Variants in COL4A3 observed in about 807,000 individuals in gnomAD.
The protein encoded by COL4A3 is collagen alpha-3(IV) chain.
In COL4A3, 135 loss-of-function variants were observed where a neutral mutation model predicts 217.4. The observed-to-expected ratio is 0.62, with a 90% confidence interval of 0.54 to 0.72. The LOEUF (loss-of-function observed/expected upper bound fraction) is 0.72, where lower values mean the gene tolerates loss of function less well. Among genes scored for constraint, COL4A3 ranks in the 30% least tolerant of loss-of-function variants. The pLI is 0.00. For synonymous variants in COL4A3, 690 were observed against 736.3 expected (o/e 0.94, Z 1.02); for missense variants, 1,868 against 2,119.9 (o/e 0.88, Z 2.33).
Position 227,240,188 on chromosome 2 carries a change from G to T in COL4A3, c.190G>T (p.Gly64Ter). The T allele has an allele frequency of 6.2e-7, 1 of 1,612,040 alleles. No individual in the cohort carries two copies. The change falls in exon 3 of 52, where the codon GGA becomes TGA. Residue 64 changes from glycine (G) to a stop codon, truncating the protein, a stop_gained. Transcript: ENST00000396578. LOFTEE classifies it high-confidence loss of function. ...PGPPGSPGQK[G>*]FTGPEGLPGP... is the part of the protein sequence containing the mutation. ...ACCCCCCGGTTCTCCTGGCCAGAAA[G>T]GATTCACAGGTCCTGAAGGCTTGCC...
chr2:227,305,171 C>T, intron 47 of COL4A3, 88 bp downstream of exon 47: 1 of 1,112,066 alleles, frequency 9.0e-7, no homozygotes, highest in Non-Finnish European at 1.3e-6. Context: ...TATGAGTTAT[C>T]TAGGCCTTTG....
At chr2:227,268,116 C>A (rs1189806516) in intron 23 of COL4A3, among the ~76,000 whole-genome samples, 2 of 152,238 alleles carry the variant, frequency 1.3e-5, no homozygotes, top group African/African-American at 4.8e-5. Flanking sequence ...GGTCTTCAGA[C>A]AATGTCATCA....
rs1443093103 is a variant in COL4A3 at position 227,256,055 on chromosome 2, C to T, written c.918C>T (p.Gly306=). ...AACCCGGAAAAGATGGTGTTCCTGG[C>T]TTCCCTGGAAGTGAGGTATAGAGTT... The part of the protein sequence containing the change: ...QGKPGKDGVP[G]FPGSEGVKGN... Residue 306 remains glycine (G), a synonymous_variant, in exon 16 of 52, where the codon GGC becomes GGT. Coordinates refer to ENST00000396578, the MANE Select transcript of COL4A3 (RefSeq NM_000091.5). 3 of 1,613,884 alleles carry T rather than the reference C, an allele frequency of 1.9e-6. No homozygotes were observed. The highest frequency in any genetic ancestry group is 2.5e-6 in the Non-Finnish European group (3 of 1,179,820).
In COL4A3 at chr2:227,286,629, C is replaced by T. The variant is rs146473219; in HGVS notation, c.2881+2284C>T. Among the ~76,000 whole-genome samples, 602 of 152,318 alleles carry T rather than the reference C, an allele frequency of 4.0e-3. 3 individuals are homozygous for T. Among genetic ancestry groups the T allele is most frequent in the African/African-American group, 0.013 (551 of 41,572 alleles). On this transcript the variant is annotated intron_variant, in intron 34 of 51. Coordinates refer to ENST00000396578, the MANE Select transcript of COL4A3 (RefSeq NM_000091.5). ...TAGGAAATGGCAGAGATGGGCCTCACTCTTGGCCTCCTCACTGTGCTGCCA... is the reference window on the plus strand; with the variant it reads ...TAGGAAATGGCAGAGATGGGCCTCATTCTTGGCCTCCTCACTGTGCTGCCA...
At chr2:227,295,414 T>A in intron 41 of COL4A3, 98 bp downstream of exon 41, 1 of 1,051,686 alleles carries the variant, frequency 9.5e-7, no homozygotes, top group Non-Finnish European at 1.5e-6. Flanking sequence ...CCTAGTGAAT[T>A]AAAGATGTTC....
At chr2:227,294,380 T>A in intron 38 of COL4A3, 110 bp from the exon 39 acceptor site, 1 of 830,668 alleles carries the variant, frequency 1.2e-6, no homozygotes, top group Non-Finnish European at 2.1e-6. Flanking sequence ...AGAGCTTCCT[T>A]AAGGCCAGCG....
chr2:227,251,570 T>C (rs2069743530), intron 11 of COL4A3, among the ~76,000 whole-genome samples, 199 bp downstream of exon 11: 1 of 152,204 alleles, frequency 6.6e-6, no homozygotes, highest in African/African-American at 2.4e-5. Flanking sequence ...ATACAAAGAA[T>C]CTTAATTCAA....
At chr2:227,290,933 C>T in intron 37 of COL4A3, 47 bp downstream of exon 37, 1 of 1,579,934 alleles carries the variant, frequency 6.3e-7, no homozygotes. Flanking sequence ...GGAGTGAGTG[C>T]CTTGAAAAAT....
intron 1 of COL4A3, among the ~76,000 whole-genome samples, chr2:227,181,153 T>G (rs912277557): frequency 3.3e-5 from 5 of 152,190 alleles, no homozygotes; most frequent in Non-Finnish European, 5.9e-5. Context: ...GGTATAGAGA[T>G]ATTTCTGGGT....
chr2:227,274,772 T>G (rs539269565), intron 26 of COL4A3, among the ~76,000 whole-genome samples: 1 of 152,256 alleles, frequency 6.6e-6, no homozygotes, highest in South Asian at 2.1e-4. Flanking sequence ...GTGCTAGGAT[T>G]ACAGGCATGA....
chr2:227,196,714 G>C (rs1439083331), intron 1 of COL4A3, among the ~76,000 whole-genome samples: 1 of 152,164 alleles, frequency 6.6e-6, no homozygotes, highest in Non-Finnish European at 1.5e-5. Flanking sequence ...CAGGTTTATA[G>C]CCTAGGAATC....
rs75171342 is a variant in COL4A3, at chr2:227,259,775, G to A, written c.1030-18G>A. 1.2e-3 allele frequency: 1,908 copies of A among 1,558,444 alleles called. 29 individuals are homozygous for A. The East Asian group carries it at 0.034, about 28-fold the overall frequency. On this transcript the variant is annotated intron_variant, in intron 18 of 51. Transcript: ENST00000396578. ...AAATAGCTATCCTTTCTCTGTATTT[G>A]TTTCTTTCTCCTCTAAGACAGAATA...
chr2:227,172,030 T>C (rs2065495096), intron 1 of COL4A3, among the ~76,000 whole-genome samples: 1 of 152,202 alleles, frequency 6.6e-6, no homozygotes, highest in Non-Finnish European at 1.5e-5. Context: ...ACTGGAGTTG[T>C]ATACGTGTTC....
chr2:227,251,166 T>C lies in COL4A3; in HGVS notation c.573T>C (p.Pro191=), dbSNP rs375503109. 233 of 1,613,932 alleles carry C rather than the reference T, an allele frequency of 1.4e-4. 1 individual carries two copies. The African/African-American group carries it at 2.7e-3, about 19-fold the overall frequency. Residue 191 remains proline, a synonymous_variant, in exon 10 of 52, where the codon CCT becomes CCC. Coordinates refer to ENST00000396578, the MANE Select transcript of COL4A3 (RefSeq NM_000091.5). ...PQGLPGPPGF[P]GPVGPPGPPG... ...GTTTGCCAGGCCCTCCAGGTTTTCC[T>C]GGGCCTGTTGGCCCACCTGGTCCTC...
chr2:227,246,175 T>C, intron 6 of COL4A3, 159 bp downstream of exon 6: 1 of 690,860 alleles, frequency 1.4e-6, no homozygotes, highest in Admixed American at 2.1e-5. Flanking sequence ...CCATTTTCTT[T>C]CTTCGCATTC....
intron 1 of COL4A3, among the ~76,000 whole-genome samples, chr2:227,168,954 T>C (rs1378178318): frequency 6.6e-6 from 1 of 151,810 alleles, no homozygotes; most frequent in Non-Finnish European, 1.5e-5. Context: ...GTTAGTTACA[T>C]ATGTATACAT....
At chr2:227,291,170 A>G in intron 37 of COL4A3, 2 of 416,450 alleles carry the variant, frequency 4.8e-6, no homozygotes, top group Non-Finnish European at 9.0e-6. Context: ...GGCCCATACA[A>G]TCAGATAGGA....
intron 20 of COL4A3, among the ~76,000 whole-genome samples, chr2:227,262,331 A>AC (rs2070634959): frequency 2.6e-5 from 4 of 152,186 alleles, no homozygotes; most frequent in African/African-American, 9.7e-5. Context: ...AAACAAACAA[A>AC]AAAACAGGCT....
rs999342964 is a variant in COL4A3, at chr2:227,300,482, T to C, written c.3882+1670T>C. 2.0e-5 allele frequency among the ~76,000 whole-genome samples: 3 copies of C among 152,274 alleles called. No individual in the cohort carries two copies. In the East Asian group the frequency reaches 5.8e-4, roughly 29 times the overall value. On this transcript the variant is annotated intron_variant, in intron 43 of 51. Coordinates refer to ENST00000396578, the MANE Select transcript of COL4A3 (RefSeq NM_000091.5). ...AAGCCTGCAATCTCTCAATTCATAT[T>C]CTCTCTCTCAACACCACAGCCGTCG...
Sources: allele counts gnomAD v4.1 joint callset (sites outside exome capture counted in the v4.1 genomes callset), GRCh38; gene constraint gnomAD v4.1.1; transcripts MANE v1.5; gene names NCBI Gene and HGNC (gene_info 2026-07-23, HGNC 2026-07-21).